Variants in MCOLN2 observed in about 807,000 individuals in gnomAD.
The protein encoded by MCOLN2 is mucolipin-2.
In MCOLN2, 57 loss-of-function variants were observed where a neutral mutation model predicts 67.5. The ratio of observed to expected loss-of-function variants is 0.84; its 90% CI spans 0.68 to 1.05. The LOEUF (loss-of-function observed/expected upper bound fraction) is 1.05. MCOLN2 is among the 50% of genes least tolerant of loss of function. The probability of loss-of-function intolerance (pLI) is 0.00; values close to 1 mark genes in which losing one functional copy is unlikely to be tolerated. For missense variants in MCOLN2, 620 were observed against 678.8 expected (o/e 0.91, Z 0.96); for synonymous variants, 246 against 233.3 (o/e 1.05, Z -0.50).
intron 1 of MCOLN2, among the ~76,000 whole-genome samples, chr1:84,991,632 T>C (rs2102894161): frequency 6.6e-6 from 1 of 152,246 alleles, no homozygotes; most frequent in African/African-American, 2.4e-5. Flanking sequence ...TCATTTTCCA[T>C]TAGAGCCACT....
intron 1 of MCOLN2, among the ~76,000 whole-genome samples, chr1:84,972,371 T>G (rs1240577354): frequency 6.6e-6 from 1 of 152,188 alleles, no homozygotes; most frequent in East Asian, 1.9e-4. Context: ...GATCTGGATT[T>G]TTATAAGCTT....
intron 13 of MCOLN2, among the ~76,000 whole-genome samples, chr1:84,929,320 A>G (rs1042226656): frequency 2.6e-5 from 4 of 152,220 alleles, no homozygotes; most frequent in African/African-American, 9.7e-5. Context: ...GCCTTCTCTT[A>G]AGAGTCTTAT....
At chr1:84,955,484 G>A (rs472373) in intron 4 of MCOLN2, among the ~76,000 whole-genome samples, 53,802 of 151,984 alleles carry the variant, frequency 0.35, 9,902 homozygotes, top group African/African-American at 0.43. Flanking sequence ...GGCTTGCTCA[G>A]CAAACAGAAA....
intron 13 of MCOLN2, among the ~76,000 whole-genome samples, chr1:84,927,672 T>C (rs1402827454): frequency 6.6e-6 from 1 of 152,252 alleles, no homozygotes; most frequent in Admixed American, 6.5e-5. Context: ...TCATCTGTCA[T>C]GGTCACCAGA....
intron 11 of MCOLN2, among the ~76,000 whole-genome samples, chr1:84,936,107 G>T (rs1381025424): frequency 6.6e-6 from 1 of 152,146 alleles, no homozygotes; most frequent in East Asian, 1.9e-4. Context: ...ATATATTAAG[G>T]TGCCTATTCT....
chr1:84,971,529 CACACACACACACACACGAT>C (rs1003024232), intron 1 of MCOLN2, among the ~76,000 whole-genome samples: 4 of 151,120 alleles, frequency 2.6e-5, no homozygotes, highest in African/African-American at 9.7e-5. Context: ...CACACACACA[CACACACACACACACACGAT>C]ATCTTATTGC....
At chr1:84,993,138 A>G (rs1316792880) in intron 1 of MCOLN2, among the ~76,000 whole-genome samples, 1 of 152,216 alleles carries the variant, frequency 6.6e-6, no homozygotes, top group Non-Finnish European at 1.5e-5. Flanking sequence ...TGTTCATAGC[A>G]TCTTCACCAA....
chr1:84,987,180 C>T (rs1483381153), intron 1 of MCOLN2, among the ~76,000 whole-genome samples: 1 of 20,954 alleles, frequency 4.8e-5, no homozygotes, highest in African/African-American at 8.9e-5. Flanking sequence ...ATAGGCATAT[C>T]TATCTATCTA....
At chr1:84,995,747 T>C (rs1425881161) in intron 1 of MCOLN2, among the ~76,000 whole-genome samples, 1 of 152,164 alleles carries the variant, frequency 6.6e-6, no homozygotes, top group Non-Finnish European at 1.5e-5. Context: ...TCAAACTATG[T>C]CTCTCAGTTC....
intron 7 of MCOLN2, among the ~76,000 whole-genome samples, chr1:84,942,184 G>A (rs943498126): frequency 6.6e-6 from 1 of 152,102 alleles, no homozygotes; most frequent in African/African-American, 2.4e-5. Flanking sequence ...ATCTCTATTA[G>A]CCCTCTCCTA....
At chr1:84,959,053 T>C (rs1648943142) in intron 2 of MCOLN2, among the ~76,000 whole-genome samples, 2 of 152,248 alleles carry the variant, frequency 1.3e-5, no homozygotes. Context: ...AATTACTTAG[T>C]AAAGCAGTAA....
chr1:84,991,383 C>T (rs7533496), intron 1 of MCOLN2, among the ~76,000 whole-genome samples: 138,733 of 152,242 alleles, frequency 0.91, 64,171 homozygotes, highest in East Asian at 0.99. Context: ...CCAATTCCTA[C>T]GATGAACAAA....
At chr1:84,981,636 A>C (rs966823784) in intron 1 of MCOLN2, among the ~76,000 whole-genome samples, 6 of 152,224 alleles carry the variant, frequency 3.9e-5, no homozygotes, top group African/African-American at 1.4e-4. Flanking sequence ...AGAGAGTAGA[A>C]GGATGGTTAC....
intron 12 of MCOLN2, among the ~76,000 whole-genome samples, chr1:84,930,774 C>T (rs1216367531): frequency 6.6e-6 from 1 of 152,174 alleles, no homozygotes; most frequent in Non-Finnish European, 1.5e-5. Flanking sequence ...GTTTTCTAAG[C>T]ATGACCATCT....
intron 1 of MCOLN2, among the ~76,000 whole-genome samples, chr1:84,984,314 C>G (rs1487979251): frequency 6.6e-6 from 1 of 152,200 alleles, no homozygotes; most frequent in African/African-American, 2.4e-5. Context: ...TCACCAAACT[C>G]TGGCTGAATC....
chr1:84,994,507 T>C (rs914421579), intron 1 of MCOLN2, among the ~76,000 whole-genome samples: 17 of 152,248 alleles, frequency 1.1e-4, no homozygotes, highest in Non-Finnish European at 2.5e-4. Flanking sequence ...CAGCACTTTC[T>C]GCTTCGCCTT....
chr1:84,996,945 C>T lies in MCOLN2; in HGVS notation c.-73G>A, dbSNP rs1249446788. The T allele has an allele frequency of 7.2e-7, 1 of 1,384,938 alleles. No homozygotes were observed. Among genetic ancestry groups the T allele is most frequent in the Non-Finnish European group, 1.0e-6 (1 of 977,712 alleles). 85.8% of individuals were successfully genotyped at this position (1,384,938 alleles called of 1,614,324 possible). A position where few individuals can be genotyped will look rare whatever the true frequency, so the allele number is the denominator to read the frequency against. ...AACACCGTTCACGGCCGACTCATTT[C>T]GCCCTCGCCGTAACGCGTCCGCCGA... On this transcript the variant is annotated 5_prime_UTR_variant, in exon 1 of 14. Coordinates refer to ENST00000370608, the MANE Select transcript of MCOLN2 (RefSeq NM_153259.4).
intron 7 of MCOLN2, among the ~76,000 whole-genome samples, chr1:84,942,640 C>T (rs1232248382): frequency 6.6e-6 from 1 of 152,140 alleles, no homozygotes; most frequent in African/African-American, 2.4e-5. Context: ...GTAGTTGCTA[C>T]GGTTTGAGTT....
intron 1 of MCOLN2, among the ~76,000 whole-genome samples, chr1:84,970,092 A>G (rs887900470): frequency 6.6e-6 from 1 of 152,248 alleles, no homozygotes; most frequent in Admixed American, 6.5e-5. Context: ...TGTTTCAGCA[A>G]TACTGAATTT....
Sources: allele counts gnomAD v4.1 joint callset (sites outside exome capture counted in the v4.1 genomes callset), GRCh38; gene constraint gnomAD v4.1.1; transcripts MANE v1.5; gene names NCBI Gene and HGNC (gene_info 2026-07-23, HGNC 2026-07-21).